Variants in GABRA2 observed in about 807,000 individuals in gnomAD.
The protein encoded by GABRA2 is gamma-aminobutyric acid type A receptor subunit alpha2, also known as gamma-aminobutyric acid receptor subunit alpha-2.
GABRA2 carries 16 observed loss-of-function variants against 48.7 expected under a neutral mutation model. The observed-to-expected ratio is 0.33, with a 90% CI of 0.22 to 0.50. The LOEUF is 0.50. GABRA2 is among the 20% of genes least tolerant of loss of function. The probability of loss-of-function intolerance (pLI) is 0.98; values close to 1 mark genes in which losing one functional copy is unlikely to be tolerated. For synonymous variants in GABRA2, 185 were observed against 184.5 expected (o/e 1.00, Z -0.02); for missense variants, 275 against 535.6 (o/e 0.51, Z 4.80).
chr4:46,365,970 A>G (rs1007235219), intron 3 of GABRA2: 3 of 152,138 alleles, frequency 2.0e-5, no homozygotes, highest in Admixed American at 2.0e-4. Context: ...TAAGCTTAAC[A>G]TGATTGAAAT....
chr4:46,337,863 A>G (rs562447975), intron 3 of GABRA2, among the ~76,000 whole-genome samples: 4 of 151,922 alleles, frequency 2.6e-5, no homozygotes, highest in Non-Finnish European at 5.9e-5. Context: ...ACATGAAGAG[A>G]GTAAGTGGAA....
chr4:46,291,485 A>G (rs1194443935), intron 8 of GABRA2, among the ~76,000 whole-genome samples: 1 of 152,114 alleles, frequency 6.6e-6, no homozygotes, highest in African/African-American at 2.4e-5. Flanking sequence ...CATTTGAGTC[A>G]GTGGGCTGGG....
intron 3 of GABRA2, among the ~76,000 whole-genome samples, chr4:46,339,434 A>G (rs1732826318): frequency 6.6e-6 from 1 of 151,806 alleles, no homozygotes; most frequent in African/African-American, 2.4e-5. Flanking sequence ...AAGCCATAGC[A>G]CAGAATAGCC....
At chr4:46,351,068 C>T (rs1425477980) in intron 3 of GABRA2, among the ~76,000 whole-genome samples, 1 of 151,530 alleles carries the variant, frequency 6.6e-6, no homozygotes, top group East Asian at 1.9e-4. Flanking sequence ...GGAGCCTTTC[C>T]TTTCTATCAC....
At chr4:46,286,934 A>G (rs1395764557) in intron 8 of GABRA2, among the ~76,000 whole-genome samples, 1 of 152,172 alleles carries the variant, frequency 6.6e-6, no homozygotes, top group African/African-American at 2.4e-5. Flanking sequence ...TTGATACACA[A>G]AAGTTTTTTC....
intron 8 of GABRA2, among the ~76,000 whole-genome samples, chr4:46,293,250 CTT>C (rs1724008762): frequency 6.6e-6 from 1 of 152,108 alleles, no homozygotes; most frequent in African/African-American, 2.4e-5. Flanking sequence ...AGTTTCCAGA[CTT>C]AAGCCAGTTT....
In GABRA2 at chr4:46,296,648, A is replaced by C. The variant is rs77668381; in HGVS notation, c.856+6812T>G. Among the ~76,000 whole-genome samples the C allele has an allele frequency of 8.9e-3, 1,197 of 134,776 alleles. 21 individuals carry two copies. Among genetic ancestry groups the C allele is most frequent in the African/African-American group, 0.036 (1,158 of 32,492 alleles). The allele number at this position is 134,776 out of a possible 152,430, so 88.4% of individuals were successfully genotyped here. On this transcript the variant is annotated intron_variant, in intron 8 of 9. Transcript: ENST00000381620. ...CAGGAATGAAGGTTTGGATTACTCT[A>C]TCAGGGGGAAAAAAAAAAAGAAAAA...
In GABRA2 at chr4:46,358,703, C is replaced by T. The variant is rs141081026; in HGVS notation, c.188-26021G>A. 7.2e-5 allele frequency among the ~76,000 whole-genome samples: 11 copies of T among 152,254 alleles called. No individual in the cohort carries two copies. In the East Asian group the frequency reaches 2.1e-3, roughly 29 times the overall value. On this transcript the variant is annotated intron_variant, in intron 3 of 9. Coordinates refer to ENST00000381620, the MANE Select transcript of GABRA2 (RefSeq NM_000807.4). ...CTCTTGGCCTTAGATTGATACTTAG[C>T]CACTGTCTCTGATGCAATTAATCTA... is the stretch of plus-strand genomic sequence containing the variant.
chr4:46,259,757 A>C (rs1208947120), intron 9 of GABRA2, among the ~76,000 whole-genome samples: 2 of 151,906 alleles, frequency 1.3e-5, no homozygotes, highest in Admixed American at 1.3e-4. Context: ...TTAGTCAGAA[A>C]GGACACTAAA....
chr4:46,300,740 G>C (rs1725593785), intron 8 of GABRA2, among the ~76,000 whole-genome samples: 1 of 151,832 alleles, frequency 6.6e-6, no homozygotes, highest in South Asian at 2.1e-4. Flanking sequence ...AATTCTACAT[G>C]TTAGCCTAAA....
At position 46,250,542 on chromosome 4, in the gene GABRA2, A is replaced by G; in HGVS notation, c.1122T>C (p.Tyr374=). ...NNAYAVAVAN[Y]APNLSKDPVL... The stretch of plus-strand genomic sequence containing the variant: ...CTGGATCTTTTGAAAGATTCGGGGC[A>G]TAATTGGCAACAGCCACTGCATAAG... The change falls in exon 10 of 10, where the codon TAT becomes TAC. Residue 374 remains tyrosine (Y), a synonymous_variant. Transcript: ENST00000381620. The G allele has an allele frequency of 1.9e-6, 3 of 1,611,710 alleles. No individual in the cohort carries two copies. The highest frequency in any genetic ancestry group is 2.5e-6 in the Non-Finnish European group (3 of 1,178,492).
intron 2 of GABRA2, among the ~76,000 whole-genome samples, chr4:46,388,056 A>C (rs1460017180): frequency 6.6e-6 from 1 of 152,114 alleles, no homozygotes; most frequent in Non-Finnish European, 1.5e-5. Flanking sequence ...CCTGACTGTA[A>C]GCATTTGAGA....
intron 3 of GABRA2, among the ~76,000 whole-genome samples, chr4:46,373,870 C>T (rs1422360698): frequency 6.6e-6 from 1 of 152,144 alleles, no homozygotes; most frequent in Admixed American, 6.5e-5. Context: ...ATTACCCTTA[C>T]ATGCCCTAGA....
chr4:46,385,862 T>A (rs572967648), intron 3 of GABRA2, among the ~76,000 whole-genome samples: 1 of 152,248 alleles, frequency 6.6e-6, no homozygotes, highest in Non-Finnish European at 1.5e-5. Context: ...TCCATATGAC[T>A]TTAGGCATTC....
chr4:46,323,923 C>T (rs71611972), intron 4 of GABRA2, among the ~76,000 whole-genome samples: 1 of 151,742 alleles, frequency 6.6e-6, no homozygotes, highest in African/African-American at 2.4e-5. Context: ...ATGTGCAAGG[C>T]CAGAGAGTTG....
At chr4:46,281,181 T>C (rs1035524810) in intron 8 of GABRA2, among the ~76,000 whole-genome samples, 1 of 152,096 alleles carries the variant, frequency 6.6e-6, no homozygotes, top group Admixed American at 6.5e-5. Context: ...AGTTTGAAAA[T>C]TCAGTTTTGT....
At chr4:46,275,677 C>A (rs1720346908) in intron 8 of GABRA2, among the ~76,000 whole-genome samples, 1 of 152,104 alleles carries the variant, frequency 6.6e-6, no homozygotes, top group African/African-American at 2.4e-5. Flanking sequence ...AATTATTTTT[C>A]TATTTCACTC....
intron 8 of GABRA2, among the ~76,000 whole-genome samples, chr4:46,297,406 C>T (rs1050366631): frequency 3.4e-5 from 5 of 145,278 alleles, no homozygotes; most frequent in African/African-American, 1.3e-4. Flanking sequence ...GCTCTCCTTG[C>T]TCCTCAGCTT....
intron 4 of GABRA2, among the ~76,000 whole-genome samples, chr4:46,316,582 T>C (rs1213778043): frequency 6.6e-6 from 1 of 152,004 alleles, no homozygotes; most frequent in East Asian, 1.9e-4. Flanking sequence ...TCCTAAGTGG[T>C]GTGTAAATTT....
Sources: gnomAD v4.1 joint callset for allele counts (sites outside exome capture counted in the v4.1 genomes callset) on GRCh38, gnomAD v4.1.1 for gene constraint, MANE v1.5 for transcripts, NCBI Gene and HGNC (gene_info 2026-07-23, HGNC 2026-07-21) for gene names.